Variants in THEMIS observed in about 807,000 individuals in gnomAD.
THEMIS encodes protein THEMIS.
A neutral mutation model predicts 52.6 loss-of-function variants in THEMIS; 37 were observed. The observed-to-expected ratio is 0.70, with a 90% CI of 0.54 to 0.93. The LOEUF (loss-of-function observed/expected upper bound fraction) is 0.93. Ranked by LOEUF, THEMIS falls within the 40% of genes least tolerant of loss-of-function variation. The pLI is 0.00. For synonymous variants in THEMIS, 292 were observed against 272.7 expected (o/e 1.07, Z -0.70); for missense variants, 808 against 763.1 (o/e 1.06, Z -0.69).
chr6:127,813,964 T>G (rs1021872113), intron 3 of THEMIS, 33 bp from the exon 4 acceptor site: 1 of 1,501,102 alleles, frequency 6.7e-7, no homozygotes, highest in South Asian at 1.4e-5. Flanking sequence ...TATGATATTT[T>G]TGTACTTCAA....
intron 4 of THEMIS, among the ~76,000 whole-genome samples, chr6:127,789,122 T>G (rs1303644154): frequency 2.0e-5 from 3 of 151,844 alleles, no homozygotes; most frequent in Admixed American, 2.0e-4. Flanking sequence ...ACAAAATAGA[T>G]AGACCACTAG....
At chr6:127,771,861 G>T (rs1003328822) in intron 4 of THEMIS, among the ~76,000 whole-genome samples, 1 of 151,840 alleles carries the variant, frequency 6.6e-6, no homozygotes. Flanking sequence ...CTTCCCCAAG[G>T]GTTACTGCAA....
rs1340074545 is a variant in THEMIS at position 127,806,055 on chromosome 6, C to A, written c.1758+6828G>T. ...CACACTCAATTTTAGTGATTACAGG[C>A]ACTAAAATTTCTATAGAGATTATAG... On this transcript the variant is annotated intron_variant, in intron 4 of 5. Transcript: ENST00000368248. Among the ~76,000 whole-genome samples, 5 of 151,866 alleles carry A rather than the reference C, an allele frequency of 3.3e-5. No individual in the cohort carries two copies. The South Asian group carries it at 1.0e-3, about 31-fold the overall frequency.
intron 1 of THEMIS, among the ~76,000 whole-genome samples, chr6:127,877,177 T>G (rs1780338800): frequency 6.6e-6 from 1 of 152,200 alleles, no homozygotes; most frequent in Non-Finnish European, 1.5e-5. Flanking sequence ...GTTGACGGCC[T>G]TGATCTGAAT....
intron 4 of THEMIS, among the ~76,000 whole-genome samples, chr6:127,769,498 A>G (rs2114429472): frequency 6.6e-6 from 1 of 152,198 alleles, no homozygotes; most frequent in East Asian, 1.9e-4. Flanking sequence ...ACGAAGCAAC[A>G]CGCTGAAAGT....
chr6:127,787,880 T>TAGATAGATAGATAGATATAGATAGATAG (rs200767496), intron 4 of THEMIS, among the ~76,000 whole-genome samples: 82 of 120,002 alleles, frequency 6.8e-4, no homozygotes, highest in Admixed American at 1.1e-3. Context: ...GATAGATAGA[T>TAGATAGATAGATAGATATAGATAGATAG]ATAGATAGAT....
chr6:127,833,161 C>T (rs1161349829), intron 2 of THEMIS, among the ~76,000 whole-genome samples: 1 of 151,888 alleles, frequency 6.6e-6, no homozygotes, highest in African/African-American at 2.4e-5. Flanking sequence ...CGTCACTTAA[C>T]TAACATAAAT....
At chr6:127,741,040 G>T (rs1337670333) in intron 4 of THEMIS, among the ~76,000 whole-genome samples, 1 of 152,068 alleles carries the variant, frequency 6.6e-6, no homozygotes, top group Non-Finnish European at 1.5e-5. Flanking sequence ...ACATCTATTA[G>T]AACCCAGTAA....
At chr6:127,736,505 G>A (rs971114060) in intron 4 of THEMIS, among the ~76,000 whole-genome samples, 3 of 152,002 alleles carry the variant, frequency 2.0e-5, no homozygotes, top group African/African-American at 7.2e-5. Context: ...TCTAGCCCCC[G>A]GATCACATAA....
At chr6:127,746,420 C>T (rs1049154661) in intron 4 of THEMIS, among the ~76,000 whole-genome samples, 32 of 151,476 alleles carry the variant, frequency 2.1e-4, no homozygotes, top group Non-Finnish European at 4.0e-4. Flanking sequence ...TAGTATCTAG[C>T]ACAGTGCTTT....
At chr6:127,741,060 A>G (rs1775186396) in intron 4 of THEMIS, among the ~76,000 whole-genome samples, 1 of 152,180 alleles carries the variant, frequency 6.6e-6, no homozygotes. Flanking sequence ...AAACCCTACA[A>G]ATACTGTAGC....
chr6:127,855,444 C>A (rs1779587406), intron 1 of THEMIS, among the ~76,000 whole-genome samples: 2 of 151,880 alleles, frequency 1.3e-5, no homozygotes, highest in African/African-American at 4.8e-5. Context: ...TTCCTCAGCA[C>A]CCTCAGCTCA....
chr6:127,858,527 C>G (rs1272928755), intron 1 of THEMIS, among the ~76,000 whole-genome samples: 2 of 151,976 alleles, frequency 1.3e-5, no homozygotes, highest in African/African-American at 4.8e-5. Flanking sequence ...ATTTTATTAT[C>G]ACCAATATAA....
At chr6:127,811,740 G>A (rs139484631) in intron 4 of THEMIS, among the ~76,000 whole-genome samples, 1 of 152,258 alleles carries the variant, frequency 6.6e-6, no homozygotes, top group Admixed American at 6.5e-5. Flanking sequence ...ATAAAAATAT[G>A]TTAAATGGGA....
intron 4 of THEMIS, among the ~76,000 whole-genome samples, chr6:127,759,415 G>A (rs1775941064): frequency 6.6e-6 from 1 of 152,050 alleles, no homozygotes; most frequent in South Asian, 2.1e-4. Flanking sequence ...TACCCTCCAA[G>A]GGGTGAAGTT....
intron 4 of THEMIS, among the ~76,000 whole-genome samples, chr6:127,775,990 G>T (rs1038943155): frequency 1.3e-5 from 2 of 152,152 alleles, no homozygotes; most frequent in Admixed American, 1.3e-4. Context: ...TTTTCAACTG[G>T]TTTAAATTGT....
chr6:127,816,047 T>A (rs1227868402), intron 3 of THEMIS, among the ~76,000 whole-genome samples: 1 of 152,202 alleles, frequency 6.6e-6, no homozygotes, highest in Non-Finnish European at 1.5e-5. Flanking sequence ...TCTTCAATAC[T>A]TCTGTGCCTA....
At chr6:127,879,024 T>C (rs1562317194) in intron 1 of THEMIS, among the ~76,000 whole-genome samples, 2 of 152,194 alleles carry the variant, frequency 1.3e-5, no homozygotes, top group African/African-American at 4.8e-5. Flanking sequence ...TCTTTGTGGA[T>C]TAAAATACTA....
rs534949862 is a variant in THEMIS at position 127,782,870 on chromosome 6, C to A, written c.1758+30013G>T. 3.9e-5 allele frequency among the ~76,000 whole-genome samples: 6 copies of A among 152,284 alleles called. No homozygotes were observed. The East Asian group carries it at 1.2e-3, about 29-fold the overall frequency. Reference sequence around the variant, plus strand: ...ATCAAGCTACCATGGATTTTCTTCACAGAATTAGAAAAAACTACTTTAAAT... The same window carrying A: ...ATCAAGCTACCATGGATTTTCTTCAAAGAATTAGAAAAAACTACTTTAAAT... On this transcript the variant is annotated intron_variant, in intron 4 of 5. Coordinates refer to ENST00000368248, the MANE Select transcript of THEMIS (RefSeq NM_001010923.3).
Sources: allele counts gnomAD v4.1 joint callset (sites outside exome capture counted in the v4.1 genomes callset), GRCh38; gene constraint gnomAD v4.1.1; transcripts MANE v1.5; gene names NCBI Gene and HGNC (gene_info 2026-07-23, HGNC 2026-07-21).